FARP1: variants seen among roughly 807,000 people sequenced by gnomAD.
FARP1 encodes FERM, ARH/RhoGEF and pleckstrin domain protein 1.
FARP1 carries 52 observed loss-of-function variants against 128.8 expected under a neutral mutation model. That is an observed-to-expected ratio of 0.40 (90% CI 0.32 to 0.51). FARP1 has a LOEUF of 0.51. Among genes scored for constraint, FARP1 ranks in the 20% least tolerant of loss-of-function variants. The probability of loss-of-function intolerance (pLI) is 0.45; values close to 1 mark genes in which losing one functional copy is unlikely to be tolerated. For missense variants in FARP1, 1,333 were observed against 1,367.9 expected (o/e 0.97, Z 0.40); for synonymous variants, 580 against 551.8 (o/e 1.05, Z -0.72).
Position 98,439,173 on chromosome 13 carries a change from C to A in FARP1, c.2410C>A (p.Gln804Lys). 3 of 1,613,602 alleles carry A rather than the reference C, an allele frequency of 1.9e-6. No individual in the cohort carries two copies. The highest frequency in any genetic ancestry group is 2.5e-6 in the Non-Finnish European group (3 of 1,179,636). The change falls in exon 21 of 27, where the codon CAG becomes AAG. Residue 804 changes from glutamine to lysine, a missense_variant. By Grantham distance (53) the Gln-to-Lys change is moderately conservative. Transcript: ENST00000319562. ...TASNQFKVHG[Q>K]LPLYGMTIEE... ...CTCCAATCAGTTTAAAGTCCACGGG[C>A]AGCTCCCGCTCTATGGCATGACGGT... is the stretch of plus-strand genomic sequence containing the variant.
intron 2 of FARP1, among the ~76,000 whole-genome samples, chr13:98,226,616 C>T (rs1370185477): frequency 6.6e-6 from 1 of 152,056 alleles, no homozygotes; most frequent in African/African-American, 2.4e-5. Flanking sequence ...TAACTCATTT[C>T]CCCAGTTTTC....
In FARP1 at chr13:98,308,029, CTCTCTTTTTTTTTTT is replaced by C. The variant is rs1306378277; in HGVS notation, c.172-35731_172-35717del. Among the ~76,000 whole-genome samples the C allele has an allele frequency of 9.6e-5, 11 of 114,930 alleles. 1 individual carries two copies. Among genetic ancestry groups the C allele is most frequent in the African/African-American group, 3.3e-4 (9 of 26,944 alleles). The allele number at this position is 114,930 out of a possible 152,430, so 75.4% of individuals were successfully genotyped here. ...GCCCCCCTCCGCCCGCCCCCACTCT[CTCTCTTTTTTTTTTT>C]TTTTTTTTTTTTTTTTTTTTTGCTA... On this transcript the variant is annotated intron_variant, in intron 2 of 26. Coordinates refer to ENST00000319562, the MANE Select transcript of FARP1 (RefSeq NM_005766.4).
intron 16 of FARP1, among the ~76,000 whole-genome samples, chr13:98,418,753 C>T (rs1233159324): frequency 1.3e-5 from 2 of 152,166 alleles, no homozygotes; most frequent in Non-Finnish European, 2.9e-5. Context: ...AGAGAAAGCC[C>T]TCTCCGGGTC....
At chr13:98,265,092 T>A (rs1410814268) in intron 2 of FARP1, among the ~76,000 whole-genome samples, 1 of 152,152 alleles carries the variant, frequency 6.6e-6, no homozygotes, top group Non-Finnish European at 1.5e-5. Flanking sequence ...CCCACACTAG[T>A]GCTCGTAAAG....
intron 1 of FARP1, among the ~76,000 whole-genome samples, chr13:98,153,751 A>G (rs1265134749): frequency 6.6e-6 from 1 of 151,142 alleles, no homozygotes; most frequent in Non-Finnish European, 1.5e-5. Flanking sequence ...TTTAGTAGAG[A>G]CGGGCTTTCA....
intron 5 of FARP1, 25 bp from the exon 6 acceptor site, chr13:98,377,796 C>T (rs371597674): frequency 3.3e-4 from 532 of 1,591,366 alleles, no homozygotes; most frequent in Non-Finnish European, 4.2e-4. Flanking sequence ...CTTTGCCTGA[C>T]GCCCAGCTCT....
chr13:98,437,122 C>T (rs1285804846), intron 19 of FARP1, among the ~76,000 whole-genome samples: 1 of 152,112 alleles, frequency 6.6e-6, no homozygotes, highest in Admixed American at 6.5e-5. Flanking sequence ...TCTTCGTTTT[C>T]CCCCACCTAC....
intron 2 of FARP1, among the ~76,000 whole-genome samples, chr13:98,271,801 AATCT>A (rs2139583959): frequency 6.6e-6 from 1 of 152,218 alleles, no homozygotes; most frequent in African/African-American, 2.4e-5. Context: ...TTCTTTATCT[AATCT>A]ATCACTGATT....
In FARP1 at chr13:98,149,235, C is replaced by T. The variant is rs181152615; in HGVS notation, c.-24+5743C>T. Among the ~76,000 whole-genome samples the T allele has an allele frequency of 1.4e-3, 214 of 152,218 alleles. 1 individual carries two copies. The highest frequency in any genetic ancestry group is 4.9e-3 in the African/African-American group (203 of 41,552). On this transcript the variant is annotated intron_variant, in intron 1 of 26. Transcript: ENST00000319562. ...TCTCTTCTTCCCTCTTCTCCTCTCC[C>T]TCTCTTCTGTTCCTCTTCCCTGCTC... is the stretch of plus-strand genomic sequence containing the variant.
rs771336427 is a variant in FARP1, at chr13:98,385,751, C to T, written c.696C>T (p.Ala232=). 4.3e-6 allele frequency: 7 copies of T among 1,614,028 alleles called. No homozygotes were observed. The highest frequency in any genetic ancestry group is 5.9e-6 in the Non-Finnish European group (7 of 1,180,028). ...LEMYGIRLHP[A]KDREGTKINL... ...TGTATGGAATCCGGTTGCACCCGGCCAAGGACAGGGAAGGCACGAAGATCA... is the reference window on the plus strand; with the variant it reads ...TGTATGGAATCCGGTTGCACCCGGCTAAGGACAGGGAAGGCACGAAGATCA... Residue 232 remains alanine, a synonymous_variant, in exon 8 of 27, where the codon GCC becomes GCT. Coordinates refer to ENST00000319562, the MANE Select transcript of FARP1 (RefSeq NM_005766.4).
At chr13:98,330,625 G>A (rs1382796873) in intron 2 of FARP1, among the ~76,000 whole-genome samples, 1 of 152,000 alleles carries the variant, frequency 6.6e-6, no homozygotes, top group African/African-American at 2.4e-5. Context: ...CGTGGTGGCA[G>A]GCGCCTGTAA....
chr13:98,420,232 TG>T (rs1420040667), intron 16 of FARP1, among the ~76,000 whole-genome samples: 1 of 152,148 alleles, frequency 6.6e-6, no homozygotes, highest in Non-Finnish European at 1.5e-5. Flanking sequence ...TGGCTGGCTT[TG>T]CCCCTGCCTG....
At chr13:98,418,692 C>T (rs527531453) in intron 16 of FARP1, among the ~76,000 whole-genome samples, 11 of 152,290 alleles carry the variant, frequency 7.2e-5, no homozygotes, top group African/African-American at 2.4e-4. Context: ...CGAGTGAAAC[C>T]GTTTTGCCAA....
intron 8 of FARP1, among the ~76,000 whole-genome samples, chr13:98,386,564 A>G (rs1240784021): frequency 1.3e-5 from 2 of 152,158 alleles, no homozygotes; most frequent in African/African-American, 4.8e-5. Flanking sequence ...ATATCCTGTA[A>G]AATTCCCCAC....
chr13:98,334,907 A>C (rs886862631), intron 2 of FARP1, among the ~76,000 whole-genome samples: 1 of 152,144 alleles, frequency 6.6e-6, no homozygotes, highest in African/African-American at 2.4e-5. Context: ...AACTGTGAAA[A>C]CATCAATTTC....
At chr13:98,191,442 T>G (rs1879221860) in intron 1 of FARP1, among the ~76,000 whole-genome samples, 2 of 152,232 alleles carry the variant, frequency 1.3e-5, no homozygotes, top group South Asian at 4.1e-4. Flanking sequence ...TCTTCCACCA[T>G]GTAATAGTGG....
intron 2 of FARP1, among the ~76,000 whole-genome samples, chr13:98,267,013 C>CAAA (rs368229193): frequency 0.013 from 858 of 63,624 alleles, 28 homozygotes; most frequent in African/African-American, 0.026. Flanking sequence ...ACTCCCATCT[C>CAAA]AAAAAAAAAA....
At chr13:98,222,963 G>A (rs1388707936) in intron 2 of FARP1, among the ~76,000 whole-genome samples, 3 of 152,002 alleles carry the variant, frequency 2.0e-5, no homozygotes, top group African/African-American at 7.2e-5. Context: ...GGGCAGGATG[G>A]GTTGAAGAGG....
chr13:98,298,586 C>G (rs1419008037), intron 2 of FARP1, among the ~76,000 whole-genome samples: 2 of 152,118 alleles, frequency 1.3e-5, no homozygotes, highest in African/African-American at 2.4e-5. Context: ...CAGCTGTTCC[C>G]AGGAATGGAG....
Sources: allele counts gnomAD v4.1 joint callset (sites outside exome capture counted in the v4.1 genomes callset), GRCh38; gene constraint gnomAD v4.1.1; transcripts MANE v1.5; gene names NCBI Gene and HGNC (gene_info 2026-07-23, HGNC 2026-07-21).